The following PXDNL variants were observed in gnomAD, a reference collection of about 807,000 sequenced individuals.
PXDNL encodes probable oxidoreductase PXDNL.
Under a neutral mutation model 150.8 loss-of-function variants are expected in PXDNL, and 145 were observed. That is an observed-to-expected ratio of 0.96 (90% CI 0.84 to 1.10). The LOEUF (loss-of-function observed/expected upper bound fraction) is 1.10, where lower values mean the gene tolerates loss of function less well. Ranked by LOEUF, PXDNL falls within the 50% of genes least tolerant of loss-of-function variation. PXDNL has a pLI of 0.00. For synonymous variants in PXDNL, 757 were observed against 725.7 expected (o/e 1.04, Z -0.69); for missense variants, 2,087 against 1,873.9 (o/e 1.11, Z -2.10).
chr8:51,510,307 T>A (rs1218113470), intron 4 of PXDNL, among the ~76,000 whole-genome samples: 1 of 152,206 alleles, frequency 6.6e-6, no homozygotes, highest in Non-Finnish European at 1.5e-5. Context: ...TCATCTCACC[T>A]AGTTCTAGAA....
intron 1 of PXDNL, among the ~76,000 whole-genome samples, chr8:51,755,104 G>C (rs2037086574): frequency 6.6e-6 from 1 of 152,080 alleles, no homozygotes; most frequent in Non-Finnish European, 1.5e-5. Flanking sequence ...CATTCAGGCT[G>C]GCCTCTAACA....
chr8:51,347,721 T>G (rs10099560), intron 19 of PXDNL, among the ~76,000 whole-genome samples: 4,582 of 148,970 alleles, frequency 0.031, 220 homozygotes, highest in African/African-American at 0.11. Context: ...GAGATTACTG[T>G]CATGAGCCAC....
chr8:51,475,542 T>A (rs1810453657), intron 6 of PXDNL, among the ~76,000 whole-genome samples: 1 of 152,118 alleles, frequency 6.6e-6, no homozygotes, highest in Non-Finnish European at 1.5e-5. Flanking sequence ...GGCAAAAGGA[T>A]CACTCGAGGC....
intron 2 of PXDNL, among the ~76,000 whole-genome samples, chr8:51,624,764 A>G (rs1814332745): frequency 6.6e-6 from 1 of 150,818 alleles, no homozygotes; most frequent in South Asian, 2.1e-4. Context: ...TGACATAGCC[A>G]AGGTCTCAGG....
chr8:51,397,025 C>T (rs779262212), intron 17 of PXDNL, among the ~76,000 whole-genome samples: 18 of 152,288 alleles, frequency 1.2e-4, no homozygotes, highest in Middle Eastern at 3.4e-3. Flanking sequence ...GGTCTTCACA[C>T]GTCTGTCATA....
At chr8:51,628,855 A>G (rs1814424810) in intron 2 of PXDNL, among the ~76,000 whole-genome samples, 1 of 152,198 alleles carries the variant, frequency 6.6e-6, no homozygotes, top group African/African-American at 2.4e-5. Flanking sequence ...AAAAGTCACT[A>G]ACAGCAAACA....
intron 1 of PXDNL, among the ~76,000 whole-genome samples, chr8:51,765,627 T>C (rs2037220215): frequency 6.6e-6 from 1 of 152,302 alleles, no homozygotes; most frequent in Admixed American, 6.5e-5. Context: ...TTTAATCCAT[T>C]TGTATTACTA....
chr8:51,600,706 TTA>T (rs1304232556), intron 2 of PXDNL, among the ~76,000 whole-genome samples: 1 of 138,478 alleles, frequency 7.2e-6, no homozygotes, highest in African/African-American at 2.6e-5. Flanking sequence ...CTTATATAAA[TTA>T]TATAGTTTAG....
In PXDNL at chr8:51,453,728, G is replaced by C. The variant is rs1809862409; in HGVS notation, c.1040C>G (p.Thr347Arg). 6.2e-7 allele frequency: 1 copy of C among 1,614,046 alleles called. No homozygotes were observed. Among genetic ancestry groups the C allele is most frequent in the Middle Eastern group, 1.7e-4 (1 of 6,060 alleles). ...GCCTGTGGCCATACATTCCAAAGTTGTGCTGGTGCCAATTAAAACCTCTGT... is the reference window on the plus strand; with the variant it reads ...GCCTGTGGCCATACATTCCAAAGTTCTGCTGGTGCCAATTAAAACCTCTGT... The part of the protein sequence containing the change: ...QDTEVLIGTS[T>R]TLECMATGHP... The change falls in exon 10 of 23, where the codon ACA becomes AGA. Residue 347 changes from threonine (T) to arginine (R), a missense_variant. Physicochemically the swap from Thr to Arg is moderately conservative, Grantham distance 71. Coordinates refer to ENST00000356297, the MANE Select transcript of PXDNL (RefSeq NM_144651.5).
Position 51,775,278 on chromosome 8 carries a change from C to T in PXDNL, c.164+33903G>A, listed in dbSNP as rs574557020. Among the ~76,000 whole-genome samples, 84 of 152,156 alleles carry T rather than the reference C, an allele frequency of 5.5e-4. No individual in the cohort carries two copies. In the South Asian group the frequency reaches 0.015, roughly 27 times the overall value. On this transcript the variant is annotated intron_variant, in intron 1 of 22. Coordinates refer to ENST00000356297, the MANE Select transcript of PXDNL (RefSeq NM_144651.5). ...TTTTGCATTCCCCAAAGAGAAGAAG[C>T]TATGTAGAGAATAAGCAGAAAATCA...
chr8:51,508,560 C>T (rs1375040100), intron 4 of PXDNL, among the ~76,000 whole-genome samples: 1 of 152,198 alleles, frequency 6.6e-6, no homozygotes, highest in Non-Finnish European at 1.5e-5. Flanking sequence ...GGGCCCTTCA[C>T]TACTTCCTTC....
At chr8:51,355,058 T>A (rs751710722) in intron 19 of PXDNL, among the ~76,000 whole-genome samples, 27 of 152,154 alleles carry the variant, frequency 1.8e-4, no homozygotes, top group Non-Finnish European at 3.2e-4. Flanking sequence ...GTCCTTATGG[T>A]GTTCTATTAA....
intron 2 of PXDNL, among the ~76,000 whole-genome samples, chr8:51,652,430 C>T (rs1430936207): frequency 7.0e-6 from 1 of 143,708 alleles, no homozygotes; most frequent in Admixed American, 6.9e-5. Context: ...CTGTCTCTCT[C>T]TCTCTCTCTC....
intron 2 of PXDNL, among the ~76,000 whole-genome samples, chr8:51,621,471 T>G (rs1321603768): frequency 1.3e-5 from 2 of 151,542 alleles, no homozygotes; most frequent in Non-Finnish European, 3.0e-5. Context: ...TGTGTGTGTG[T>G]GTGTGTGTGT....
chr8:51,451,384 G>A (rs1160478586), intron 10 of PXDNL, among the ~76,000 whole-genome samples: 1 of 152,212 alleles, frequency 6.6e-6, no homozygotes, highest in Non-Finnish European at 1.5e-5. Context: ...AGCAGGCAGA[G>A]AAGGTGGAAT....
intron 1 of PXDNL, among the ~76,000 whole-genome samples, chr8:51,706,790 G>A (rs973234006): frequency 2.0e-5 from 3 of 152,100 alleles, no homozygotes; most frequent in Non-Finnish European, 2.9e-5. Flanking sequence ...TTCAATATGA[G>A]GTTTCTTACG....
Position 51,453,589 on chromosome 8 carries a change from A to C in PXDNL, c.1179T>G (p.His393Gln). Residue 393 changes from histidine (H) to glutamine (Q), a missense_variant, in exon 10 of 23, where the codon CAT becomes CAG. Physicochemically the swap from His to Gln is conservative, Grantham distance 24. Transcript: ENST00000356297. Reference sequence around the variant, plus strand: ...TGTTGGCATGACAGGTAAATCGACCATGATCCCGTTGTGTGATGTTCTGTA... The same window carrying C: ...TGTTGGCATGACAGGTAAATCGACCCTGATCCCGTTGTGTGATGTTCTGTA... ...LYLQNITQRD[H>Q]GRFTCHANNS... is the part of the protein sequence containing the mutation. 6.2e-7 allele frequency: 1 copy of C among 1,614,044 alleles called. No individual in the cohort carries two copies.
chr8:51,332,783 G>A (rs11780126), intron 21 of PXDNL, among the ~76,000 whole-genome samples: 6,508 of 152,064 alleles, frequency 0.043, 293 homozygotes, highest in African/African-American at 0.11. Flanking sequence ...ATCCAACAAA[G>A]ACAAAGAAAA....
At chr8:51,738,333 A>G (rs1387710906) in intron 1 of PXDNL, among the ~76,000 whole-genome samples, 5 of 152,142 alleles carry the variant, frequency 3.3e-5, no homozygotes, top group Non-Finnish European at 2.9e-5. Flanking sequence ...AGCCAAAGCC[A>G]CCATCTTCTG....
Sources: gnomAD v4.1 joint callset for allele counts (sites outside exome capture counted in the v4.1 genomes callset) on GRCh38, gnomAD v4.1.1 for gene constraint, MANE v1.5 for transcripts, NCBI Gene and HGNC (gene_info 2026-07-23, HGNC 2026-07-21) for gene names.